The following WDR27 variants were observed in gnomAD, a reference collection of about 807,000 sequenced individuals.
The protein encoded by WDR27 is WD repeat-containing protein 27.
WDR27 carries 100 observed loss-of-function variants against 114.4 expected under a neutral mutation model. The ratio of observed to expected loss-of-function variants is 0.87; its 90% CI spans 0.74 to 1.03. WDR27 has a LOEUF of 1.03. Among genes scored for constraint, WDR27 ranks in the 50% least tolerant of loss-of-function variants. The pLI is 0.00. For missense variants in WDR27, 1,129 were observed against 1,092.9 expected, an observed-to-expected ratio of 1.03 and a Z score of -0.47; for synonymous variants, 449 against 423.1, an observed-to-expected ratio of 1.06 and a Z score of -0.75.
chr6:169,694,769 T>C (rs1012056984), intron 1 of WDR27, among the ~76,000 whole-genome samples: 1 of 152,242 alleles, frequency 6.6e-6, no homozygotes. Flanking sequence ...CTGCTCATTG[T>C]CTGTTCCTAT....
intron 22 of WDR27, among the ~76,000 whole-genome samples, chr6:169,609,076 A>G (rs1809919450): frequency 6.6e-6 from 1 of 152,198 alleles, no homozygotes; most frequent in Admixed American, 6.5e-5. Flanking sequence ...CTGATGCAAG[A>G]GGTGGGTTCC....
intron 25 of WDR27, among the ~76,000 whole-genome samples, chr6:169,550,278 A>T (rs137898016): frequency 1.7e-3 from 264 of 152,330 alleles, no homozygotes; most frequent in African/African-American, 6.0e-3. Flanking sequence ...CACATCTAGC[A>T]TCAACAAGAA....
intron 17 of WDR27, 60 bp downstream of exon 17, chr6:169,643,637 C>A: frequency 1.4e-6 from 2 of 1,430,930 alleles, no homozygotes; most frequent in Non-Finnish European, 9.7e-7. Context: ...AACTGATAAC[C>A]AGGACCTAAG....
intron 23 of WDR27, among the ~76,000 whole-genome samples, chr6:169,587,625 A>G (rs1027805836): frequency 6.6e-6 from 1 of 152,166 alleles, no homozygotes; most frequent in Admixed American, 6.5e-5. Context: ...CTCTTCTAAA[A>G]TTATCAAGCC....
chr6:169,501,364 G>C (rs995015549), intron 25 of WDR27, among the ~76,000 whole-genome samples: 10 of 152,198 alleles, frequency 6.6e-5, no homozygotes, highest in African/African-American at 2.4e-4. Flanking sequence ...GAGGGTGGCT[G>C]TTCTAAGCCA....
rs141123160 is a variant in WDR27 at position 169,489,785 on chromosome 6, G to T, written c.2646-32151C>A. Among the ~76,000 whole-genome samples, 525 of 152,284 alleles carry T rather than the reference G, an allele frequency of 3.4e-3. 2 individuals carry two copies. The highest frequency in any genetic ancestry group is 0.012 in the African/African-American group (492 of 41,558). On this transcript the variant is annotated intron_variant, in intron 25 of 25. Transcript: ENST00000448612. ...TGTGGCCAAGGCTCAGCTCTCCAAAGACTTCAATTCTATAATTTCATGATT... is the reference window on the plus strand; with the variant it reads ...TGTGGCCAAGGCTCAGCTCTCCAAATACTTCAATTCTATAATTTCATGATT...
intron 21 of WDR27, among the ~76,000 whole-genome samples, chr6:169,632,511 C>A (rs529646967): frequency 3.9e-5 from 6 of 152,308 alleles, no homozygotes; most frequent in Non-Finnish European, 7.4e-5. Flanking sequence ...ACCCTTTAAC[C>A]TACCGCTGTG....
At chr6:169,642,326 C>T (rs972674115) in intron 17 of WDR27, among the ~76,000 whole-genome samples, 1 of 149,602 alleles carries the variant, frequency 6.7e-6, no homozygotes, top group African/African-American at 2.5e-5. Context: ...AGAAACAGAG[C>T]AAGTTTTTGT....
rs1390264295 is a variant in WDR27, at chr6:169,602,278, A to T, written c.2365T>A (p.Cys789Ser). ...CCACAAGGACTGAAAGCGATTCCAC[A>T]TGGATAGCCGCGGGTTGGATGCCCT... is the stretch of plus-strand genomic sequence containing the variant. The part of the protein sequence containing the change: ...FEGHPTRGYP[C>S]GIAFSPCGRF... The change falls in exon 23 of 26, where the codon TGT becomes AGT. Residue 789 changes from cysteine to serine, a missense_variant. By Grantham distance (112) the Cys-to-Ser change is moderately radical. Transcript: ENST00000448612. The T allele has an allele frequency of 3.2e-6, 5 of 1,567,488 alleles. No homozygotes were observed. The highest frequency in any genetic ancestry group is 3.5e-6 in the Non-Finnish European group (4 of 1,154,844).
chr6:169,490,345 A>G (rs1789583466), intron 25 of WDR27, among the ~76,000 whole-genome samples: 1 of 152,222 alleles, frequency 6.6e-6, no homozygotes, highest in African/African-American at 2.4e-5. Flanking sequence ...ACACTGTGCC[A>G]GTGTGTTTCT....
At chr6:169,494,942 T>C (rs1354821365) in intron 25 of WDR27, among the ~76,000 whole-genome samples, 1 of 152,214 alleles carries the variant, frequency 6.6e-6, no homozygotes, top group East Asian at 1.9e-4. Flanking sequence ...ACTTACATGC[T>C]GTGATATAAT....
At chr6:169,610,823 T>G (rs1280703295) in intron 22 of WDR27, among the ~76,000 whole-genome samples, 2 of 152,116 alleles carry the variant, frequency 1.3e-5, no homozygotes, top group African/African-American at 4.8e-5. Context: ...TATTCTTACT[T>G]GTAAGTGGGA....
At chr6:169,438,787 A>G in the WDR27 span, among the ~76,000 whole-genome samples, 64 of 152,276 alleles carry the variant, frequency 4.2e-4, no homozygotes, top group African/African-American at 1.5e-3. Context: ...TAAGAAACAG[A>G]TATTTTATAT....
intron 25 of WDR27, among the ~76,000 whole-genome samples, chr6:169,569,594 T>A (rs1801042102): frequency 6.6e-6 from 1 of 152,212 alleles, no homozygotes; most frequent in Non-Finnish European, 1.5e-5. Context: ...TCTTAAAAAT[T>A]TAAATACTTA....
intron 25 of WDR27, among the ~76,000 whole-genome samples, chr6:169,547,759 C>A (rs1369023543): frequency 6.6e-6 from 1 of 152,006 alleles, no homozygotes; most frequent in Admixed American, 6.6e-5. Flanking sequence ...CAAGGATATC[C>A]CCTTTCACTG....
At chr6:169,445,591 C>A in the WDR27 span, among the ~76,000 whole-genome samples, 1 of 152,208 alleles carries the variant, frequency 6.6e-6, no homozygotes, top group Non-Finnish European at 1.5e-5. Flanking sequence ...TTATTACAAA[C>A]GAAAATCTAA....
intron 2 of WDR27, among the ~76,000 whole-genome samples, chr6:169,686,809 T>C (rs1439848372): frequency 6.6e-6 from 1 of 152,106 alleles, no homozygotes; most frequent in Non-Finnish European, 1.5e-5. Context: ...TATTCTGCCA[T>C]AAAAAAGACT....
At chr6:169,561,092 G>A (rs1047667158) in intron 25 of WDR27, among the ~76,000 whole-genome samples, 5 of 152,080 alleles carry the variant, frequency 3.3e-5, no homozygotes, top group Admixed American at 1.3e-4. Flanking sequence ...TAAACTGGGT[G>A]GTTTGTAAAC....
intron 25 of WDR27, among the ~76,000 whole-genome samples, chr6:169,542,718 G>T (rs923298831): frequency 1.3e-5 from 2 of 152,052 alleles, no homozygotes; most frequent in South Asian, 4.1e-4. Flanking sequence ...GCATACTAAA[G>T]TGTTTAGGCA....
Sources: allele counts gnomAD v4.1 joint callset (sites outside exome capture counted in the v4.1 genomes callset), GRCh38; gene constraint gnomAD v4.1.1; transcripts MANE v1.5; gene names NCBI Gene and HGNC (gene_info 2026-07-23, HGNC 2026-07-21).